The following RABGAP1L variants were observed in gnomAD, a reference collection of about 807,000 sequenced individuals.
The protein encoded by RABGAP1L is rab GTPase-activating protein 1-like.
RABGAP1L carries 63 observed loss-of-function variants against 137.7 expected under a neutral mutation model. The ratio of observed to expected loss-of-function variants is 0.46; its 90% confidence interval spans 0.37 to 0.56. The LOEUF is 0.56. Ranked by LOEUF, RABGAP1L falls within the 20% of genes least tolerant of loss-of-function variation. The pLI is 0.00. For synonymous variants in RABGAP1L, 431 were observed against 433.7 expected (o/e 0.99, Z 0.08); for missense variants, 1,095 against 1,244.0 (o/e 0.88, Z 1.80).
chr1:174,422,735 G>A (rs61826869), intron 13 of RABGAP1L, among the ~76,000 whole-genome samples: 13,736 of 151,944 alleles, frequency 0.09, 838 homozygotes, highest in East Asian at 0.22. Flanking sequence ...ATCACCTGAG[G>A]TCTGGAGTTT....
intron 19 of RABGAP1L, among the ~76,000 whole-genome samples, chr1:174,949,996 A>G (rs1033771963): frequency 6.6e-6 from 1 of 152,170 alleles, no homozygotes; most frequent in Non-Finnish European, 1.5e-5. Context: ...AGCCACAAAC[A>G]TTGGAAAGTG....
intron 18 of RABGAP1L, among the ~76,000 whole-genome samples, chr1:174,757,984 T>C (rs12403542): frequency 9.9e-5 from 15 of 151,070 alleles, no homozygotes; most frequent in Admixed American, 7.9e-4. Context: ...GATTGCACCA[T>C]TGCACTCCAG....
chr1:174,647,002 G>A (rs905945522), intron 14 of RABGAP1L, among the ~76,000 whole-genome samples: 1 of 151,204 alleles, frequency 6.6e-6, no homozygotes, highest in African/African-American at 2.4e-5. Context: ...TCATGATTTG[G>A]CTGTTTGTCT....
intron 13 of RABGAP1L, among the ~76,000 whole-genome samples, chr1:174,519,413 G>A (rs896194266): frequency 7.9e-5 from 12 of 152,110 alleles, no homozygotes; most frequent in African/African-American, 2.9e-4. Context: ...AGGCTGGGCG[G>A]CTAGGCCAGT....
intron 7 of RABGAP1L, among the ~76,000 whole-genome samples, chr1:174,265,793 T>C (rs1024119179): frequency 6.6e-6 from 1 of 152,016 alleles, no homozygotes; most frequent in Non-Finnish European, 1.5e-5. Flanking sequence ...TTGAAATTTG[T>C]TGGTTGAAAA....
chr1:174,945,932 C>G (rs1666661367), intron 19 of RABGAP1L: 1 of 151,808 alleles, frequency 6.6e-6, no homozygotes, highest in African/African-American at 2.4e-5. Flanking sequence ...TTCAGTCTGC[C>G]CCCTCTTAAG....
At chr1:174,965,895 C>T (rs1669577402) in intron 20 of RABGAP1L, among the ~76,000 whole-genome samples, 1 of 152,210 alleles carries the variant, frequency 6.6e-6, no homozygotes, top group South Asian at 2.1e-4. Context: ...TTTTCCCACC[C>T]TTGCCCTTGC....
intron 18 of RABGAP1L, among the ~76,000 whole-genome samples, chr1:174,775,724 G>A (rs899080414): frequency 1.3e-5 from 2 of 152,080 alleles, no homozygotes; most frequent in African/African-American, 4.8e-5. Flanking sequence ...TCTCTCCCAA[G>A]GGAGACATTC....
chr1:174,713,022 C>T (rs2148562772), intron 17 of RABGAP1L, among the ~76,000 whole-genome samples: 1 of 152,320 alleles, frequency 6.6e-6, no homozygotes, highest in East Asian at 1.9e-4. Context: ...AATGCCTCTC[C>T]TGATTTAGGT....
chr1:174,784,637 G>A (rs971777281), intron 18 of RABGAP1L, among the ~76,000 whole-genome samples: 1 of 152,218 alleles, frequency 6.6e-6, no homozygotes, highest in African/African-American at 2.4e-5. Flanking sequence ...AGACTGGCCT[G>A]AGGGGCATGT....
At chr1:174,706,646 C>A (rs1045751613) in intron 17 of RABGAP1L, among the ~76,000 whole-genome samples, 4 of 152,050 alleles carry the variant, frequency 2.6e-5, no homozygotes, top group African/African-American at 7.2e-5. Context: ...AAAAAATGGA[C>A]ATAACGAAGT....
intron 13 of RABGAP1L, among the ~76,000 whole-genome samples, chr1:174,397,074 C>G (rs898399238): frequency 2.2e-4 from 34 of 151,946 alleles, no homozygotes; most frequent in Non-Finnish European, 1.0e-4. Flanking sequence ...CCCAGGAGAT[C>G]GAGGCTGCAG....
intron 19 of RABGAP1L, among the ~76,000 whole-genome samples, chr1:174,872,041 C>T (rs1289331922): frequency 4.6e-5 from 7 of 152,304 alleles, no homozygotes; most frequent in Non-Finnish European, 1.0e-4. Context: ...CTACCTCACC[C>T]TCATTCTTTG....
At chr1:174,590,418 T>C (rs1231952284) in intron 13 of RABGAP1L, among the ~76,000 whole-genome samples, 1 of 127,934 alleles carries the variant, frequency 7.8e-6, no homozygotes, top group African/African-American at 3.1e-5. Flanking sequence ...GTTACATATG[T>C]ATACATGTGC....
intron 11 of RABGAP1L, among the ~76,000 whole-genome samples, chr1:174,335,019 C>A (rs1468811143): frequency 1.3e-5 from 2 of 151,988 alleles, no homozygotes; most frequent in African/African-American, 4.8e-5. Flanking sequence ...CACTTCTATT[C>A]TTAACAGTTT....
intron 13 of RABGAP1L, among the ~76,000 whole-genome samples, chr1:174,553,118 T>G (rs1386742719): frequency 6.6e-6 from 1 of 152,248 alleles, no homozygotes; most frequent in Non-Finnish European, 1.5e-5. Context: ...TTATAGATGC[T>G]GGATATTAGA....
chr1:174,454,547 T>C (rs565830879), intron 13 of RABGAP1L, among the ~76,000 whole-genome samples: 1 of 135,552 alleles, frequency 7.4e-6, no homozygotes, highest in Admixed American at 7.3e-5. Flanking sequence ...TCAATCACTG[T>C]AGGATTTTTT....
intron 12 of RABGAP1L, among the ~76,000 whole-genome samples, chr1:174,377,562 T>C (rs1457240803): frequency 6.6e-6 from 1 of 152,142 alleles, no homozygotes; most frequent in African/African-American, 2.4e-5. Flanking sequence ...ACAGACATTT[T>C]CTAAAGAAGA....
In RABGAP1L at chr1:174,492,019, ATAT is replaced by A. The variant is rs1373316211; in HGVS notation, c.1710+97876_1710+97878del. Among the ~76,000 whole-genome samples the A allele has an allele frequency of 9.2e-5, 14 of 152,188 alleles. No individual in the cohort carries two copies. In the East Asian group the frequency reaches 2.1e-3, roughly 23 times the overall value. ...GCCCTATTCAATGCCTCTTTCTGTA[ATAT>A]TCAGTTAAAACCAGGTAGTGTGAAT... On this transcript the variant is annotated intron_variant, in intron 13 of 25. Coordinates refer to ENST00000681986, the MANE Select transcript of RABGAP1L (RefSeq NM_001366446.1).
Sources: gnomAD v4.1 joint callset for allele counts (sites outside exome capture counted in the v4.1 genomes callset) on GRCh38, gnomAD v4.1.1 for gene constraint, MANE v1.5 for transcripts, NCBI Gene and HGNC (gene_info 2026-07-23, HGNC 2026-07-21) for gene names.